UTRN: variants seen among roughly 807,000 people sequenced by gnomAD.
UTRN encodes dystrophin-related protein 1.
UTRN carries 283 observed loss-of-function variants against 463.9 expected under a neutral mutation model. The observed-to-expected ratio is 0.61, with a 90% CI of 0.55 to 0.67. The LOEUF is 0.67. Ranked by LOEUF, UTRN falls within the 30% of genes least tolerant of loss-of-function variation. The probability of loss-of-function intolerance (pLI) is 0.00; values close to 1 mark genes in which losing one functional copy is unlikely to be tolerated. For missense variants in UTRN, 3,922 were observed against 4,084.3 expected (o/e 0.96, Z 1.08); for synonymous variants, 1,442 against 1,431.5 (o/e 1.01, Z -0.17).
chr6:144,465,012 A>G (rs1464768281), intron 23 of UTRN, among the ~76,000 whole-genome samples: 1 of 152,168 alleles, frequency 6.6e-6, no homozygotes, highest in East Asian at 1.9e-4. Flanking sequence ...GAACTGTGGG[A>G]GAAGACTTCC....
At chr6:144,730,961 T>TG (rs1788452924) in intron 54 of UTRN, among the ~76,000 whole-genome samples, 1 of 151,138 alleles carries the variant, frequency 6.6e-6, no homozygotes, top group African/African-American at 2.4e-5. Flanking sequence ...TAATACCCTG[T>TG]GTGTTTATTT....
At chr6:144,576,115 A>T (rs1801406847) in intron 50 of UTRN, among the ~76,000 whole-genome samples, 1 of 152,188 alleles carries the variant, frequency 6.6e-6, no homozygotes, top group South Asian at 2.1e-4. Context: ...TGGGTGAATA[A>T]TAGTCTATGT....
chr6:144,353,934 T>C (rs944976119), intron 2 of UTRN, among the ~76,000 whole-genome samples: 1 of 152,166 alleles, frequency 6.6e-6, no homozygotes, highest in Non-Finnish European at 1.5e-5. Context: ...TGAGCAACTG[T>C]GGTTTGCTGG....
chr6:144,575,743 C>A (rs1310270118), intron 50 of UTRN, among the ~76,000 whole-genome samples: 1 of 152,076 alleles, frequency 6.6e-6, no homozygotes, highest in Non-Finnish European at 1.5e-5. Flanking sequence ...TTCAGACATT[C>A]ACTGGGGATG....
chr6:144,337,194 C>CCACACACAAACA (rs1554219231), intron 2 of UTRN, among the ~76,000 whole-genome samples: 1 of 126,704 alleles, frequency 7.9e-6, no homozygotes, highest in African/African-American at 3.3e-5. Flanking sequence ...CACACACACA[C>CCACACACAAACA]CACACACACA....
intron 73 of UTRN, among the ~76,000 whole-genome samples, chr6:144,842,425 C>T (rs1341109002): frequency 9.9e-5 from 15 of 151,794 alleles, no homozygotes; most frequent in Admixed American, 9.9e-4. Context: ...ACTAAAAATA[C>T]CAAAAAAATT....
Position 144,642,332 on chromosome 6 carries a change from C to T in UTRN, c.7480-36074C>T, listed in dbSNP as rs79839620. Among the ~76,000 whole-genome samples, 328 of 152,106 alleles carry T rather than the reference C, an allele frequency of 2.2e-3. 10 individuals carry two copies. The East Asian group carries it at 0.051, about 24-fold the overall frequency. ...GTCATGTTTAGATCTTATTTCAAGC[C>T]ATTTCTTTTTCATTTTCTGATAATC... is the stretch of plus-strand genomic sequence containing the variant. On this transcript the variant is annotated intron_variant, in intron 51 of 74. Transcript: ENST00000367545.
chr6:144,461,740 C>T (rs2128561565), intron 22 of UTRN, among the ~76,000 whole-genome samples: 1 of 152,260 alleles, frequency 6.6e-6, no homozygotes, highest in African/African-American at 2.4e-5. Context: ...AAAAGGAGAG[C>T]AGCCATTGAG....
intron 72 of UTRN, among the ~76,000 whole-genome samples, chr6:144,840,120 G>A (rs1276280693): frequency 7.2e-5 from 11 of 152,010 alleles, no homozygotes; most frequent in East Asian, 5.8e-4. Flanking sequence ...CCTGGGAGGC[G>A]GAGGTTGCAG....
At chr6:144,659,957 G>T (rs1390054049) in intron 51 of UTRN, 1 of 283,920 alleles carries the variant, frequency 3.5e-6, no homozygotes, top group Non-Finnish European at 7.0e-6. Flanking sequence ...CCAGCCTCGT[G>T]GAACACAGCT....
intron 53 of UTRN, among the ~76,000 whole-genome samples, chr6:144,716,322 C>T (rs1245947364): frequency 6.6e-6 from 1 of 151,096 alleles, no homozygotes; most frequent in African/African-American, 2.4e-5. Flanking sequence ...AATTTGATAC[C>T]TTTGAATGCT....
intron 54 of UTRN, among the ~76,000 whole-genome samples, chr6:144,732,249 T>C (rs1325730326): frequency 1.9e-3 from 224 of 116,744 alleles, no homozygotes; most frequent in African/African-American, 8.7e-3. Context: ...CATATATATA[T>C]ATATATATAC....
intron 19 of UTRN, among the ~76,000 whole-genome samples, chr6:144,457,096 T>G (rs1440541936): frequency 6.6e-6 from 1 of 152,248 alleles, no homozygotes; most frequent in Non-Finnish European, 1.5e-5. Flanking sequence ...TCTGGATCTC[T>G]GGGAGTAAAA....
chr6:144,579,442 A>C (rs1422165990), intron 51 of UTRN, among the ~76,000 whole-genome samples: 1 of 152,224 alleles, frequency 6.6e-6, no homozygotes, highest in East Asian at 1.9e-4. Flanking sequence ...CAGTTTATAC[A>C]CAATGAATAA....
intron 2 of UTRN, among the ~76,000 whole-genome samples, chr6:144,324,000 A>T (rs1775825179): frequency 6.6e-6 from 1 of 152,142 alleles, no homozygotes; most frequent in African/African-American, 2.4e-5. Context: ...ACTATCAACA[A>T]CATTTGTTTT....
In UTRN at chr6:144,676,135, A is replaced by G. The variant is rs931434190; in HGVS notation, c.7480-2271A>G. Among the ~76,000 whole-genome samples the G allele has an allele frequency of 2.0e-5, 3 of 151,704 alleles. No homozygotes were observed. In the South Asian group the frequency reaches 6.2e-4, roughly 31 times the overall value. ...CAGATAATGCATGCAATTGTTTTGG[A>G]TAAATCAGTGGGATAATATTTTCTT... On this transcript the variant is annotated intron_variant, in intron 51 of 74. Coordinates refer to ENST00000367545, the MANE Select transcript of UTRN (RefSeq NM_007124.3).
At chr6:144,296,996 G>T (rs527534599) in intron 2 of UTRN, among the ~76,000 whole-genome samples, 80 of 152,282 alleles carry the variant, frequency 5.3e-4, no homozygotes, top group African/African-American at 1.9e-3. Flanking sequence ...AGTCCTTTGG[G>T]TGGAAGATAG....
intron 8 of UTRN, among the ~76,000 whole-genome samples, 187 bp from the exon 9 acceptor site, chr6:144,429,394 C>G (rs1178638478): frequency 6.6e-6 from 1 of 152,038 alleles, no homozygotes; most frequent in African/African-American, 2.4e-5. Context: ...AGATACTGAA[C>G]AAAAATAAGT....
intron 42 of UTRN, among the ~76,000 whole-genome samples, chr6:144,532,667 G>A (rs1425134723): frequency 6.6e-6 from 1 of 152,178 alleles, no homozygotes; most frequent in Non-Finnish European, 1.5e-5. Context: ...AGGTTTACTT[G>A]TATGTGGTAG....
Sources: gnomAD v4.1 joint callset for allele counts (sites outside exome capture counted in the v4.1 genomes callset) on GRCh38, gnomAD v4.1.1 for gene constraint, MANE v1.5 for transcripts, NCBI Gene and HGNC (gene_info 2026-07-23, HGNC 2026-07-21) for gene names.